The following NCKAP1 variants were observed in gnomAD, a reference collection of about 807,000 sequenced individuals.
The protein encoded by NCKAP1 is nck-associated protein 1.
Under a neutral mutation model 151.2 loss-of-function variants are expected in NCKAP1, and 21 were observed. That is an observed-to-expected ratio of 0.14 (90% CI 0.10 to 0.20). The LOEUF (loss-of-function observed/expected upper bound fraction) is 0.20. NCKAP1 is among the 10% of genes least tolerant of loss of function. The pLI is 1.00. For missense variants in NCKAP1, 933 were observed against 1,352.1 expected (o/e 0.69, Z 4.86); for synonymous variants, 484 against 451.8 (o/e 1.07, Z -0.90).
chr2:183,023,966 A>G (rs1698842489), intron 1 of NCKAP1, 50 bp from the exon 2 acceptor site: 1 of 1,296,242 alleles, frequency 7.7e-7, no homozygotes, highest in Non-Finnish European at 1.1e-6. Flanking sequence ...TTCTTCTAAA[A>G]TCAAAAATAG....
intron 15 of NCKAP1, among the ~76,000 whole-genome samples, chr2:182,972,389 A>C (rs984692399): frequency 1.3e-4 from 20 of 152,294 alleles, no homozygotes; most frequent in Admixed American, 1.2e-3. Flanking sequence ...ATCTCACCCC[A>C]GTTAAAATGG....
At chr2:182,984,156 C>T (rs976973668) in intron 10 of NCKAP1, among the ~76,000 whole-genome samples, 2 of 151,760 alleles carry the variant, frequency 1.3e-5, no homozygotes, top group Non-Finnish European at 2.9e-5. Flanking sequence ...AGTTATATTC[C>T]TATTAAATAT....
At position 183,012,621 on chromosome 2, in the gene NCKAP1, C is replaced by CT. The variant is rs1195286454; in HGVS notation, c.220-9297dup. On this transcript the variant is annotated intron_variant, in intron 2 of 30. Coordinates refer to ENST00000361354, the MANE Select transcript of NCKAP1 (RefSeq NM_013436.5). ...TTTACTGTCACTCATCCCCTTACGC[C>CT]TTTTTTTTTTTTTTTTTAGACAGAG... Among the ~76,000 whole-genome samples the CT allele has an allele frequency of 1.0e-2, 1,361 of 136,318 alleles. 14 individuals carry two copies. The highest frequency in any genetic ancestry group is 0.022 in the East Asian group (107 of 4,814). The allele number at this position is 136,318 out of a possible 152,430, so 89.4% of individuals were successfully genotyped here. A position where few individuals can be genotyped will look rare whatever the true frequency, so the allele number is the denominator to read the frequency against.
intron 6 of NCKAP1, among the ~76,000 whole-genome samples, chr2:182,996,167 A>G (rs1235500584): frequency 1.3e-5 from 2 of 152,242 alleles, no homozygotes; most frequent in African/African-American, 2.4e-5. Context: ...CTTTTTGCCA[A>G]TGCAAGTTTC....
rs902986865 is a variant in NCKAP1 at position 182,911,090 on chromosome 2, G to T, written c.*14612C>A. 1.3e-5 allele frequency: 2 copies of T among 151,906 alleles called. No individual in the cohort carries two copies. Among genetic ancestry groups the T allele is most frequent in the African/African-American group, 4.8e-5 (2 of 41,362 alleles). 9.4% of individuals were successfully genotyped at this position (151,906 alleles called of 1,614,324 possible). A position where few individuals can be genotyped will look rare whatever the true frequency, so the allele number is the denominator to read the frequency against. Reference sequence around the variant, plus strand: ...CCCCCTCCTCACTAACTACCATTAGGTGTTCTTTCCTAAGAGTTAAACAGA... The same window carrying T: ...CCCCCTCCTCACTAACTACCATTAGTTGTTCTTTCCTAAGAGTTAAACAGA... On this transcript the variant is annotated 3_prime_UTR_variant, in exon 31 of 31. Coordinates refer to ENST00000361354, the MANE Select transcript of NCKAP1 (RefSeq NM_013436.5).
At chr2:183,022,367 A>C (rs905437887) in intron 2 of NCKAP1, among the ~76,000 whole-genome samples, 1 of 152,220 alleles carries the variant, frequency 6.6e-6, no homozygotes, top group Non-Finnish European at 1.5e-5. Flanking sequence ...TGAGGTAGCC[A>C]ATTAATGTCA....
chr2:182,967,477 G>T, intron 15 of NCKAP1, 116 bp from the exon 16 acceptor site: 2 of 900,098 alleles, frequency 2.2e-6, no homozygotes, highest in Non-Finnish European at 3.5e-6. Context: ...CTGTGACACT[G>T]ACAGTAACAT....
At chr2:182,959,577 A>G (rs1192315279) in intron 18 of NCKAP1, among the ~76,000 whole-genome samples, 1 of 152,198 alleles carries the variant, frequency 6.6e-6, no homozygotes, top group African/African-American at 2.4e-5. Flanking sequence ...AGGTATTGAT[A>G]GGATGTATCT....
chr2:183,030,288 T>C (rs113449316), intron 1 of NCKAP1, among the ~76,000 whole-genome samples: 2 of 152,316 alleles, frequency 1.3e-5, no homozygotes, highest in African/African-American at 4.8e-5. Flanking sequence ...GCCTCCTAAG[T>C]ACCTGGGATT....
rs1696420175 is a variant in NCKAP1 at position 182,913,070 on chromosome 2, C to T, written c.*12632G>A. On this transcript the variant is annotated 3_prime_UTR_variant, in exon 31 of 31. Transcript: ENST00000361354. ...TAGTTGTTATTTGTTTTACTGTCTG[C>T]CTCCTTCATCAGATGATGAGTAGTG... 6.6e-6 allele frequency: 1 copy of T among 152,198 alleles called. No individual in the cohort carries two copies. The highest frequency in any genetic ancestry group is 2.1e-4 in the South Asian group (1 of 4,834). The allele number at this position is 152,198 out of a possible 1,614,324, so 9.4% of individuals were successfully genotyped here. A position where few individuals can be genotyped will look rare whatever the true frequency, so the allele number is the denominator to read the frequency against.
chr2:182,988,991 C>A, intron 9 of NCKAP1, 39 bp downstream of exon 9: 1 of 1,572,670 alleles, frequency 6.4e-7, no homozygotes. Context: ...CACTCACCAC[C>A]CTTCTCCAAA....
intron 1 of NCKAP1, among the ~76,000 whole-genome samples, chr2:183,025,857 A>G (rs1282057342): frequency 6.6e-6 from 1 of 152,240 alleles, no homozygotes; most frequent in African/African-American, 2.4e-5. Context: ...GCAAAATCCT[A>G]AAGTGATTCC....
chr2:183,006,633 C>G (rs1222818458), intron 2 of NCKAP1, among the ~76,000 whole-genome samples: 1 of 152,146 alleles, frequency 6.6e-6, no homozygotes, highest in Non-Finnish European at 1.5e-5. Flanking sequence ...GTCTACAACT[C>G]TCTTGCTTCA....
intron 15 of NCKAP1, among the ~76,000 whole-genome samples, chr2:182,968,942 T>C (rs575631317): frequency 5.9e-5 from 9 of 152,338 alleles, no homozygotes; most frequent in Non-Finnish European, 1.2e-4. Context: ...TATTTTGTTG[T>C]TTTTGTCTAC....
chr2:183,003,556 C>T (rs976156309), intron 2 of NCKAP1, among the ~76,000 whole-genome samples: 4 of 151,758 alleles, frequency 2.6e-5, no homozygotes, highest in South Asian at 2.1e-4. Flanking sequence ...TACCAAATTG[C>T]GCTACTATTA....
At chr2:182,967,459 A>C (rs1697595975) in intron 15 of NCKAP1, 98 bp from the exon 16 acceptor site, 1 of 1,100,970 alleles carries the variant, frequency 9.1e-7, no homozygotes, top group African/African-American at 1.6e-5. Flanking sequence ...AGATACTTAA[A>C]CTATCTACTG....
At chr2:183,029,242 A>C (rs16823936) in intron 1 of NCKAP1, among the ~76,000 whole-genome samples, 17,788 of 152,174 alleles carry the variant, frequency 0.12, 1,599 homozygotes, top group African/African-American at 0.25. Context: ...ACTACACAAT[A>C]TATTATCCGG....
chr2:182,967,371 A>AT lies in NCKAP1; in HGVS notation c.1483-11_1483-10insA. 1 of 1,577,650 alleles carries AT rather than the reference A, an allele frequency of 6.3e-7. No homozygotes were observed. Among genetic ancestry groups the AT allele is most frequent in the Non-Finnish European group, 8.6e-7 (1 of 1,167,822 alleles). On this transcript the variant is annotated splice_polypyrimidine_tract_variant and intron_variant, in intron 15 of 30. Transcript: ENST00000361354. The stretch of plus-strand genomic sequence containing the variant: ...AGACACTAGTATATGCCTATAAAGT[A>AT]CAAAAAAAAAAAAGTAGTTCAGGTA...
chr2:182,946,474 A>G (rs958527626), intron 23 of NCKAP1, among the ~76,000 whole-genome samples: 1 of 152,046 alleles, frequency 6.6e-6, no homozygotes, highest in African/African-American at 2.4e-5. Flanking sequence ...GGGTCAAAAC[A>G]CTACCTATTG....
Sources: gnomAD v4.1 joint callset for allele counts (sites outside exome capture counted in the v4.1 genomes callset) on GRCh38, gnomAD v4.1.1 for gene constraint, MANE v1.5 for transcripts, NCBI Gene and HGNC (gene_info 2026-07-23, HGNC 2026-07-21) for gene names.